The following SLC6A2 variants were observed in gnomAD, a reference collection of about 807,000 sequenced individuals.
SLC6A2 encodes the protein sodium-dependent noradrenaline transporter.
Under a neutral mutation model 71.7 loss-of-function variants are expected in SLC6A2, and 26 were observed. The ratio of observed to expected loss-of-function variants is 0.36; its 90% CI spans 0.27 to 0.50. SLC6A2 has a LOEUF of 0.50. Ranked by LOEUF, SLC6A2 falls within the 20% of genes least tolerant of loss-of-function variation. SLC6A2 has a pLI of 0.96. For synonymous variants in SLC6A2, 363 were observed against 337.9 expected (o/e 1.07, Z -0.82); for missense variants, 581 against 803.9 (o/e 0.72, Z 3.35).
intron 2 of SLC6A2, among the ~76,000 whole-genome samples, chr16:55,660,562 T>C (rs1415764770): frequency 1.3e-5 from 2 of 152,116 alleles, no homozygotes; most frequent in Admixed American, 6.6e-5. Context: ...TGAGAGTGAG[T>C]GGTCAGGAAG....
intron 4 of SLC6A2, among the ~76,000 whole-genome samples, chr16:55,679,824 G>A (rs1464165394): frequency 6.6e-6 from 1 of 152,184 alleles, no homozygotes; most frequent in African/African-American, 2.4e-5. Flanking sequence ...CTTGGCACGG[G>A]ATGGACTGTG....
In SLC6A2 at chr16:55,699,436, G is replaced by T. The variant is rs1965901422; in HGVS notation, c.1490-118G>T. On this transcript the variant is annotated intron_variant, in intron 11 of 14. Coordinates refer to ENST00000568943, the MANE Select transcript of SLC6A2 (RefSeq NM_001172501.3). ...CCATCCCCGAGTCTCCCTAGTTCCA[G>T]GGTATCAGCATCTTGCCTCACTGCC... The T allele has an allele frequency of 1.4e-5, 11 of 782,082 alleles. No individual in the cohort carries two copies. In the South Asian group the frequency reaches 1.5e-4, roughly 11 times the overall value. 48.4% of individuals were successfully genotyped at this position (782,082 alleles called of 1,614,324 possible). A position where few individuals can be genotyped will look rare whatever the true frequency, so the allele number is the denominator to read the frequency against.
intron 5 of SLC6A2, among the ~76,000 whole-genome samples, chr16:55,686,832 G>A (rs74446539): frequency 1.3e-5 from 2 of 152,296 alleles, no homozygotes; most frequent in Non-Finnish European, 2.9e-5. Context: ...AACCAGGATA[G>A]GACCACTAAC....
In SLC6A2 at chr16:55,700,231, C is replaced by G. The variant is rs777700352; in HGVS notation, c.1683C>G (p.Ile561Met). 1 of 1,614,082 alleles carries G rather than the reference C, an allele frequency of 6.2e-7. No homozygotes were observed. The highest frequency in any genetic ancestry group is 2.2e-5 in the East Asian group (1 of 44,850). Residue 561 changes from isoleucine to methionine, a missense_variant, in exon 13 of 15, where the codon ATC (isoleucine) becomes ATG (methionine). Ile to Met is a conservative substitution (Grantham distance 10). Transcript: ENST00000568943. Reference sequence around the variant, plus strand: ...GGGCCAACTGGGTGGGGTGGGGCATCGCCCTGTCCTCCATGGTCCTGGTGC... The same window carrying G: ...GGGCCAACTGGGTGGGGTGGGGCATGGCCCTGTCCTCCATGGTCCTGGTGC... Reference protein sequence around the residue: ...PPWANWVGWGIALSSMVLVPI... With the variant: ...PPWANWVGWGMALSSMVLVPI...
At chr16:55,669,448 C>T (rs776598028) in intron 2 of SLC6A2, 117 bp from the exon 3 acceptor site, 23 of 1,076,344 alleles carry the variant, frequency 2.1e-5, no homozygotes, top group Non-Finnish European at 3.2e-5. Context: ...TGCGCGTCGC[C>T]TTTGGAAACA....
rs548046254 is a variant in SLC6A2, at chr16:55,704,024, G to T, written c.*1678G>T. On this transcript the variant is annotated 3_prime_UTR_variant, in exon 15 of 15. Coordinates refer to ENST00000568943, the MANE Select transcript of SLC6A2 (RefSeq NM_001172501.3). ...ATGCCTGAGACAGCCCAGGTGGCAG[G>T]TGTCTTGGAGCCCTGTGAACAGTGA... The T allele has an allele frequency of 6.5e-6, 1 of 154,512 alleles. No homozygotes were observed. The highest frequency in any genetic ancestry group is 2.4e-5 in the African/African-American group (1 of 41,594). 9.6% of individuals were successfully genotyped at this position (154,512 alleles called of 1,614,324 possible).
chr16:55,692,199 C>T, intron 6 of SLC6A2, 147 bp downstream of exon 6: 1 of 929,070 alleles, frequency 1.1e-6, no homozygotes, highest in South Asian at 1.4e-5. Context: ...GGTGCAGCTT[C>T]CCCATCTGAC....
intron 2 of SLC6A2, among the ~76,000 whole-genome samples, chr16:55,667,578 T>C (rs1442368355): frequency 6.6e-6 from 1 of 152,120 alleles, no homozygotes; most frequent in African/African-American, 2.4e-5. Flanking sequence ...ATGGGTCAGG[T>C]GGCAAACCAG....
At chr16:55,679,326 A>C (rs1369208212) in intron 4 of SLC6A2, among the ~76,000 whole-genome samples, 2 of 151,792 alleles carry the variant, frequency 1.3e-5, no homozygotes, top group Non-Finnish European at 2.9e-5. Context: ...TCCCAGGTTC[A>C]AGTGATTCTC....
At chr16:55,660,531 T>C (rs1195977731) in intron 2 of SLC6A2, among the ~76,000 whole-genome samples, 1 of 152,224 alleles carries the variant, frequency 6.6e-6, no homozygotes, top group African/African-American at 2.4e-5. Context: ...CATCCAGTAA[T>C]TCCCAAATTA....
At chr16:55,678,821 C>T (rs1965177506) in intron 4 of SLC6A2, among the ~76,000 whole-genome samples, 1 of 152,176 alleles carries the variant, frequency 6.6e-6, no homozygotes, top group Non-Finnish European at 1.5e-5. Flanking sequence ...TTCTGGAAAA[C>T]TAAAACTGAC....
rs527409908 is a variant in SLC6A2, at chr16:55,677,957, G to A, written c.644+5782G>A. ...ATTACAGGTGTGAGCCACCTCACCC[G>A]GCCTACAGGGCTTATTTTAGGAGCC... On this transcript the variant is annotated intron_variant, in intron 4 of 14. Transcript: ENST00000568943. Among the ~76,000 whole-genome samples, 49 of 152,168 alleles carry A rather than the reference G, an allele frequency of 3.2e-4. 2 individuals are homozygous for A. The highest frequency in any genetic ancestry group is 9.4e-4 in the African/African-American group (39 of 41,508).
chr16:55,698,634 A>T, intron 11 of SLC6A2, 66 bp downstream of exon 11: 2 of 1,126,844 alleles, frequency 1.8e-6, no homozygotes, highest in Non-Finnish European at 1.4e-6. Context: ...GGAGGTGTGC[A>T]GGGAGGCCTT....
At chr16:55,668,902 T>TA (rs1470617294) in intron 2 of SLC6A2, among the ~76,000 whole-genome samples, 1 of 152,162 alleles carries the variant, frequency 6.6e-6, no homozygotes, top group Non-Finnish European at 1.5e-5. Flanking sequence ...TTCCATCACC[T>TA]ACCAGCAGCA....
intron 4 of SLC6A2, among the ~76,000 whole-genome samples, chr16:55,679,935 C>T (rs981751815): frequency 6.6e-6 from 1 of 152,182 alleles, no homozygotes; most frequent in Non-Finnish European, 1.5e-5. Context: ...CAGGGGTGCA[C>T]ACTGTCTTGT....
At chr16:55,696,858 C>T (rs1965816299) in intron 9 of SLC6A2, among the ~76,000 whole-genome samples, 1 of 152,128 alleles carries the variant, frequency 6.6e-6, no homozygotes, top group South Asian at 2.1e-4. Context: ...GTGTTGTATG[C>T]CTGTAGCCCT....
rs201036629 is a variant in SLC6A2 at position 55,691,211 on chromosome 16, AG to A, written c.784-700del. The stretch of plus-strand genomic sequence containing the variant: ...GGAGGATGGGAAGAGAGAAAAAGAG[AG>A]GGGGGGAGGGGAGAGGGGGAGAGAG... On this transcript the variant is annotated intron_variant, in intron 5 of 14. Coordinates refer to ENST00000568943, the MANE Select transcript of SLC6A2 (RefSeq NM_001172501.3). Among the ~76,000 whole-genome samples the A allele has an allele frequency of 3.5e-3, 408 of 116,018 alleles. 1 individual carries two copies. Among genetic ancestry groups the A allele is most frequent in the African/African-American group, 0.013 (360 of 28,738 alleles). The allele number at this position is 116,018 out of a possible 152,430, so 76.1% of individuals were successfully genotyped here.
At chr16:55,674,941 T>C (rs1324497561) in intron 4 of SLC6A2, among the ~76,000 whole-genome samples, 3 of 152,216 alleles carry the variant, frequency 2.0e-5, no homozygotes, top group Admixed American at 6.5e-5. Context: ...GCTTTCCACA[T>C]TGGCTTAACT....
intron 2 of SLC6A2, among the ~76,000 whole-genome samples, chr16:55,664,190 G>A (rs935064562): frequency 1.3e-5 from 2 of 152,128 alleles, no homozygotes; most frequent in Non-Finnish European, 2.9e-5. Context: ...CTAAGGTTTG[G>A]CCTGGCGTAT....
Sources: gnomAD v4.1 joint callset for allele counts (sites outside exome capture counted in the v4.1 genomes callset) on GRCh38, gnomAD v4.1.1 for gene constraint, MANE v1.5 for transcripts, NCBI Gene and HGNC (gene_info 2026-07-23, HGNC 2026-07-21) for gene names.